Variants in PKHD1L1 observed in about 807,000 individuals in gnomAD.
PKHD1L1 encodes PKHD1 like 1.
PKHD1L1 carries 434 observed loss-of-function variants against 462.9 expected under a neutral mutation model. That is an observed-to-expected ratio of 0.94 (90% CI 0.87 to 1.02). The LOEUF (loss-of-function observed/expected upper bound fraction) is 1.02. Ranked by LOEUF, PKHD1L1 falls within the 50% of genes least tolerant of loss-of-function variation. PKHD1L1 has a pLI of 0.00. For missense variants in PKHD1L1, 5,202 were observed against 5,096.1 expected (o/e 1.02, Z -0.63); for synonymous variants, 1,781 against 1,750.0 (o/e 1.02, Z -0.44).
Position 109,522,828 on chromosome 8 carries a change from G to A in PKHD1L1, c.12268G>A (p.Val4090Met). The stretch of plus-strand genomic sequence containing the variant: ...CTCACTCTTAGTGATCACTCAGCCG[G>A]TGGCAGCACAGCCAGGACAGCCATT... ...VSSLLVITQPVAAQPGQPFPQ... is the reference protein window; with the variant it reads ...VSSLLVITQPMAAQPGQPFPQ... Residue 4090 changes from valine (V) to methionine (M), a missense_variant, in exon 75 of 78, where the codon GTG (valine) becomes ATG (methionine). Physicochemically the swap from Val to Met is conservative, Grantham distance 21. Coordinates refer to ENST00000378402, the MANE Select transcript of PKHD1L1 (RefSeq NM_177531.6). 6.2e-7 allele frequency: 1 copy of A among 1,612,294 alleles called. No individual in the cohort carries two copies. The highest frequency in any genetic ancestry group is 8.5e-7 in the Non-Finnish European group (1 of 1,179,362).
intron 24 of PKHD1L1, among the ~76,000 whole-genome samples, chr8:109,426,235 T>TAA (rs10643595): frequency 0.46 from 46,175 of 100,068 alleles, 8,969 homozygotes; most frequent in African/African-American, 0.64. Flanking sequence ...AAATTAACAT[T>TAA]GTTATTAATT....
intron 21 of PKHD1L1, among the ~76,000 whole-genome samples, chr8:109,414,736 C>T (rs1468483691): frequency 6.6e-6 from 1 of 151,988 alleles, no homozygotes; most frequent in Non-Finnish European, 1.5e-5. Context: ...CTCCTCTTGA[C>T]ACCCAGACAG....
At chr8:109,449,096 G>T (rs1377656993) in intron 39 of PKHD1L1, among the ~76,000 whole-genome samples, 1 of 151,894 alleles carries the variant, frequency 6.6e-6, no homozygotes, top group Non-Finnish European at 1.5e-5. Context: ...TAAAATTTTA[G>T]TTCCTCGAAA....
chr8:109,526,728 A>G, intron 76 of PKHD1L1, 56 bp from the exon 77 acceptor site: 1 of 1,410,952 alleles, frequency 7.1e-7, no homozygotes, highest in Non-Finnish European at 9.7e-7. Context: ...TGGGAACGGT[A>G]TGAAAACAAG....
intron 2 of PKHD1L1, among the ~76,000 whole-genome samples, chr8:109,380,316 T>A (rs1240323653): frequency 6.6e-6 from 1 of 152,146 alleles, no homozygotes; most frequent in Non-Finnish European, 1.5e-5. Flanking sequence ...CATGAGTAGC[T>A]ATGTGTTGTA....
intron 2 of PKHD1L1, among the ~76,000 whole-genome samples, chr8:109,366,655 G>A (rs1811246919): frequency 6.6e-6 from 1 of 151,372 alleles, no homozygotes; most frequent in Admixed American, 6.6e-5. Context: ...ACTTTTGGAA[G>A]CAAGGGGTCT....
chr8:109,364,469 G>A, intron 1 of PKHD1L1, 78 bp from the exon 2 acceptor site: 1 of 918,546 alleles, frequency 1.1e-6, no homozygotes, highest in Non-Finnish European at 1.7e-6. Context: ...GCAACCTTGT[G>A]GTATGTGTTA....
chr8:109,454,777 C>T lies in PKHD1L1; in HGVS notation c.6799C>T (p.His2267Tyr). The part of the protein sequence containing the change: ...QHKAVITLHG[H>Y]LRSPELPVYG... ...CAAGGCTGTCATTACCTTGCATGGT[C>T]ACCTGCGATCTCCTGAGCTCCCTGT... is the stretch of plus-strand genomic sequence containing the variant. The change falls in exon 45 of 78, where the codon CAC (histidine) becomes TAC (tyrosine). Residue 2267 changes from histidine (H) to tyrosine (Y), a missense_variant. Physicochemically the swap from His to Tyr is moderately conservative, Grantham distance 83 (BLOSUM62 2). This residue lies in a region of PKHD1L1 where 4,497 missense variants were observed against 4,336.8 expected (regional missense o/e 1.04). Transcript: ENST00000378402. 1.9e-6 allele frequency: 3 copies of T among 1,613,826 alleles called. No homozygotes were observed. The highest frequency in any genetic ancestry group is 2.5e-6 in the Non-Finnish European group (3 of 1,179,796).
chr8:109,454,124 A>G, intron 43 of PKHD1L1, 43 bp from the exon 44 acceptor site: 1 of 1,304,004 alleles, frequency 7.7e-7, no homozygotes, highest in South Asian at 1.4e-5. Context: ...ACTTTTAACA[A>G]GATTTTTCCT....
chr8:109,530,029 C>T (rs972739778), intron 77 of PKHD1L1, 51 bp from the exon 78 acceptor site: 1 of 1,078,950 alleles, frequency 9.3e-7, no homozygotes, highest in Non-Finnish European at 1.3e-6. Context: ...TTAAATTATA[C>T]TATATGCTAT....
rs1224397420 is a variant in PKHD1L1, at chr8:109,464,860, G to T, written c.8028G>T (p.Val2676=). The change falls in exon 49 of 78, where the codon GTG becomes GTT. Residue 2676 remains valine, a synonymous_variant. Transcript: ENST00000378402. ...TTCAGTTCCATAACTTTGTGATGGT[G>T]AATAACTATGAGGCTGGAATTGAGA... ...GALQFHNFVM[V]NNYEAGIETK... is the part of the protein sequence containing the mutation. 6.2e-7 allele frequency: 1 copy of T among 1,613,834 alleles called. No individual in the cohort carries two copies. The highest frequency in any genetic ancestry group is 1.1e-5 in the South Asian group (1 of 91,084).
Position 109,497,154 on chromosome 8 carries a change from C to T in PKHD1L1, c.10481C>T (p.Thr3494Ile). ...CWDYGIYFQT[T>I]ESVHIYNVTL... ...AACCTGCAAATTCTATTGCAGACCA[C>T]AGAGAGTGTGCACATTTATAATGTG... The change falls in exon 65 of 78, where the codon ACA becomes ATA. Residue 3494 changes from threonine to isoleucine, a missense_variant. Transcript: ENST00000378402. 6.2e-7 allele frequency: 1 copy of T among 1,613,734 alleles called. No homozygotes were observed. Among genetic ancestry groups the T allele is most frequent in the Non-Finnish European group, 8.5e-7 (1 of 1,179,774 alleles).
chr8:109,397,496 A>G (rs13266374), intron 11 of PKHD1L1, among the ~76,000 whole-genome samples: 45,985 of 151,668 alleles, frequency 0.3, 7,585 homozygotes, highest in Admixed American at 0.44. Flanking sequence ...GGTAATGCAG[A>G]GAGATCTGTC....
intron 77 of PKHD1L1, among the ~76,000 whole-genome samples, chr8:109,527,485 C>T (rs1326748724): frequency 6.6e-6 from 1 of 152,050 alleles, no homozygotes; most frequent in Non-Finnish European, 1.5e-5. Flanking sequence ...GCCTGCGTGA[C>T]AGAACAAGAC....
chr8:109,459,769 A>T lies in PKHD1L1; in HGVS notation c.7179A>T (p.Leu2393Phe). The T allele has an allele frequency of 6.2e-7, 1 of 1,611,480 alleles. No individual in the cohort carries two copies. The change falls in exon 47 of 78, where the codon TTA becomes TTT. Residue 2393 changes from leucine to phenylalanine, a missense_variant. Leu to Phe is a conservative substitution (Grantham distance 22). Around this residue, in one of 3 missense-constraint regions of PKHD1L1, gnomAD observed 4,497 missense variants for 4,336.8 expected, o/e 1.04. Transcript: ENST00000378402. ...AEVGILTRNI[L>F]IRGSDNVEWN... ...TTGGAATTCTTACAAGAAATATTTT[A>T]ATAAGAGGATCTGATAATGTTGAGT...
chr8:109,376,993 C>A (rs553223155), intron 2 of PKHD1L1, among the ~76,000 whole-genome samples: 2 of 152,310 alleles, frequency 1.3e-5, no homozygotes, highest in South Asian at 4.1e-4. Context: ...TGATGAACAT[C>A]AGGCACAATG....
Position 109,476,538 on chromosome 8 carries a change from T to C in PKHD1L1, c.8788T>C (p.Phe2930Leu), listed in dbSNP as rs1265678427. 1 of 1,517,638 alleles carries C rather than the reference T, an allele frequency of 6.6e-7. No individual in the cohort carries two copies. The highest frequency in any genetic ancestry group is 1.9e-5 in the Admixed American group (1 of 51,812). 94.0% of individuals were successfully genotyped at this position (1,517,638 alleles called of 1,614,324 possible). A position where few individuals can be genotyped will look rare whatever the true frequency, so the allele number is the denominator to read the frequency against. Reference sequence around the variant, plus strand: ...AGACTATGTAATTATATCACATAACTTCACTCAAAATCCTGACATGTTTAA... The same window carrying C: ...AGACTATGTAATTATATCACATAACCTCACTCAAAATCCTGACATGTTTAA... ...EEDYVIISHNFTQNPDMFNII... is the reference protein window; with the variant it reads ...EEDYVIISHNLTQNPDMFNII... The change falls in exon 52 of 78, where the codon TTC (phenylalanine) becomes CTC (leucine). Residue 2930 changes from phenylalanine to leucine, a missense_variant. Phe to Leu is a conservative substitution (Grantham distance 22). Transcript: ENST00000378402.
chr8:109,479,993 A>T lies in PKHD1L1; in HGVS notation c.9181A>T (p.Thr3061Ser). 1.9e-6 allele frequency: 3 copies of T among 1,571,164 alleles called. No homozygotes were observed. The highest frequency in any genetic ancestry group is 2.6e-6 in the Non-Finnish European group (3 of 1,164,812). ...PGANVIIPEG[T>S]WIVADIDMPS... ...TTTCTTAAAGTATTGTTTTATAGGA[A>T]CATGGATTGTAGCTGACATAGATAT... The change falls in exon 55 of 78, where the codon ACA (threonine) becomes TCA (serine). Residue 3061 changes from threonine to serine, a missense_variant and splice_region_variant. Physicochemically the swap from Thr to Ser is moderately conservative, Grantham distance 58. Around this residue, in one of 3 missense-constraint regions of PKHD1L1, gnomAD observed 4,497 missense variants for 4,336.8 expected, o/e 1.04. Transcript: ENST00000378402.
At chr8:109,477,666 A>G (rs1294156591) in intron 53 of PKHD1L1, among the ~76,000 whole-genome samples, 1 of 152,156 alleles carries the variant, frequency 6.6e-6, no homozygotes, top group East Asian at 1.9e-4. Flanking sequence ...CAACTCCCTT[A>G]TCATATAGAC....
Sources: gnomAD v4.1 joint callset for allele counts (sites outside exome capture counted in the v4.1 genomes callset) on GRCh38, gnomAD v4.1.1 for gene constraint, gnomAD v4.1.1 regional missense constraint, MANE v1.5 for transcripts, NCBI Gene and HGNC (gene_info 2026-07-23, HGNC 2026-07-21) for gene names.